REV1: variants seen among roughly 807,000 people sequenced by gnomAD.
The protein encoded by REV1 is translesion synthesis protein REV1.
A neutral mutation model predicts 137.4 loss-of-function variants in REV1; 42 were observed. The ratio of observed to expected loss-of-function variants is 0.31; its 90% CI spans 0.24 to 0.40. The LOEUF is 0.40. Ranked by LOEUF, REV1 falls within the 10% of genes least tolerant of loss-of-function variation. The pLI, the probability that REV1 is intolerant of heterozygous loss-of-function variation, is 1.00. For synonymous variants in REV1, 524 were observed against 519.2 expected, an observed-to-expected ratio of 1.01 and a Z score of -0.12; for missense variants, 1,282 against 1,490.1, an observed-to-expected ratio of 0.86 and a Z score of 2.30.
chr2:99,404,829 C>A (rs1676049716), intron 17 of REV1, 152 bp from the exon 18 acceptor site: 2 of 660,322 alleles, frequency 3.0e-6, no homozygotes, highest in African/African-American at 1.8e-5. Flanking sequence ...ACCTCCAAAT[C>A]AGCACATTTT....
At chr2:99,463,519 T>A (rs990610302) in intron 2 of REV1, among the ~76,000 whole-genome samples, 13 of 152,162 alleles carry the variant, frequency 8.5e-5, no homozygotes, top group African/African-American at 3.1e-4. Flanking sequence ...AAACTGCATA[T>A]CAAAACATAG....
At chr2:99,482,614 C>T (rs1308608090) in intron 1 of REV1, among the ~76,000 whole-genome samples, 1 of 152,126 alleles carries the variant, frequency 6.6e-6, no homozygotes, top group Non-Finnish European at 1.5e-5. Flanking sequence ...TACTTCTCTT[C>T]CCAGGACTCT....
chr2:99,463,365 C>A (rs917823563), intron 2 of REV1, among the ~76,000 whole-genome samples: 1 of 151,104 alleles, frequency 6.6e-6, no homozygotes, highest in Non-Finnish European at 1.5e-5. Flanking sequence ...ACTAAAAATA[C>A]AAAATCAGCT....
intron 5 of REV1, among the ~76,000 whole-genome samples, chr2:99,441,821 TATC>T (rs1681521846): frequency 6.6e-6 from 1 of 152,200 alleles, no homozygotes; most frequent in African/African-American, 2.4e-5. Flanking sequence ...TTTATGAAAT[TATC>T]ATTATAAAAA....
At chr2:99,461,997 T>C (rs759151243) in intron 3 of REV1, among the ~76,000 whole-genome samples, 2 of 152,172 alleles carry the variant, frequency 1.3e-5, no homozygotes, top group Non-Finnish European at 2.9e-5. Flanking sequence ...AGAGACTAAG[T>C]GAAATTTTAC....
At chr2:99,467,625 A>G (rs919404244) in intron 1 of REV1, among the ~76,000 whole-genome samples, 1 of 152,230 alleles carries the variant, frequency 6.6e-6, no homozygotes, top group Admixed American at 6.5e-5. Flanking sequence ...AGTAGAGTCC[A>G]AGGGTCTTCC....
intron 1 of REV1, among the ~76,000 whole-genome samples, chr2:99,486,526 C>A (rs1687155733): frequency 1.1e-5 from 1 of 94,932 alleles, no homozygotes; most frequent in African/African-American, 4.4e-5. Flanking sequence ...GAGACTCCAT[C>A]TCAAAAAAAA....
At chr2:99,427,838 A>C (rs1055394856) in intron 9 of REV1, among the ~76,000 whole-genome samples, 4 of 152,140 alleles carry the variant, frequency 2.6e-5, no homozygotes, top group Admixed American at 2.0e-4. Flanking sequence ...TCTGCACTTA[A>C]GTGGCACTTG....
chr2:99,448,633 A>T (rs913927072), intron 4 of REV1, among the ~76,000 whole-genome samples: 2 of 152,234 alleles, frequency 1.3e-5, no homozygotes, highest in African/African-American at 2.4e-5. Flanking sequence ...ACATGGTATA[A>T]TGTACTCATA....
At chr2:99,474,908 G>GA (rs202202463) in intron 1 of REV1, among the ~76,000 whole-genome samples, 60 of 136,842 alleles carry the variant, frequency 4.4e-4, no homozygotes, top group East Asian at 6.3e-4. Context: ...TTTCAAAAAA[G>GA]AAAAAAAAAA....
chr2:99,462,517 T>C lies in REV1; in HGVS notation c.160A>G (p.Ile54Val), dbSNP rs757987656. ...CAACCTGTGTATCCATTAACATAGA[T>C]GGCAACTCCACTAAAAATTGTAGAT... Reference protein sequence around the residue: ...TSSTIFSGVAIYVNGYTDPSA... With the variant: ...TSSTIFSGVAVYVNGYTDPSA... The change falls in exon 3 of 23, where the codon ATC (isoleucine) becomes GTC (valine). Residue 54 changes from isoleucine to valine, a missense_variant. Coordinates refer to ENST00000258428, the MANE Select transcript of REV1 (RefSeq NM_016316.4). 2 of 1,613,430 alleles carry C rather than the reference T, an allele frequency of 1.2e-6. No homozygotes were observed. Among genetic ancestry groups the C allele is most frequent in the Non-Finnish European group, 1.7e-6 (2 of 1,179,786 alleles).
chr2:99,481,666 C>G (rs745874309), intron 1 of REV1, among the ~76,000 whole-genome samples: 3 of 151,284 alleles, frequency 2.0e-5, no homozygotes, highest in Non-Finnish European at 4.4e-5. Flanking sequence ...AGTCTGAAAC[C>G]AGCCTGGGCA....
intron 14 of REV1, among the ~76,000 whole-genome samples, chr2:99,408,789 G>T (rs575384501): frequency 1.8e-4 from 28 of 152,298 alleles, no homozygotes; most frequent in African/African-American, 6.3e-4. Context: ...TACTAACTCA[G>T]TAACAGATTA....
chr2:99,435,409 A>G (rs1680615679), intron 7 of REV1: 2 of 153,096 alleles, frequency 1.3e-5, no homozygotes, highest in African/African-American at 2.4e-5. Context: ...ATAATGCAAA[A>G]CTATCCTACA....
intron 14 of REV1, 134 bp from the exon 15 acceptor site, chr2:99,408,265 C>A: frequency 2.3e-6 from 1 of 443,814 alleles, no homozygotes; most frequent in Non-Finnish European, 3.9e-6. Flanking sequence ...AAGTGAATGC[C>A]ATAGTCTCCC....
At chr2:99,402,078 T>C (rs1003737459) in intron 22 of REV1, among the ~76,000 whole-genome samples, 166 bp downstream of exon 22, 1 of 152,200 alleles carries the variant, frequency 6.6e-6, no homozygotes, top group Non-Finnish European at 1.5e-5. Context: ...GGGCAACATA[T>C]TTGGAACCTT....
chr2:99,417,584 G>A (rs2104547763), intron 12 of REV1, among the ~76,000 whole-genome samples: 1 of 152,334 alleles, frequency 6.6e-6, no homozygotes, highest in East Asian at 1.9e-4. Flanking sequence ...GGAAGGCCAT[G>A]TGAAGACACA....
At chr2:99,436,659 G>A (rs2104792165) in intron 6 of REV1, 1 of 152,310 alleles carries the variant, frequency 6.6e-6, no homozygotes, top group Non-Finnish European at 1.5e-5. Context: ...AAGGACAAAA[G>A]CTTCTAATCA....
At chr2:99,429,617 C>A (rs1029708697) in intron 9 of REV1, among the ~76,000 whole-genome samples, 4 of 151,890 alleles carry the variant, frequency 2.6e-5, no homozygotes, top group Non-Finnish European at 5.9e-5. Context: ...GTTCCTACTA[C>A]ATGACCTATT....
Sources: allele counts gnomAD v4.1 joint callset (sites outside exome capture counted in the v4.1 genomes callset), GRCh38; gene constraint gnomAD v4.1.1; transcripts MANE v1.5; gene names NCBI Gene and HGNC (gene_info 2026-07-23, HGNC 2026-07-21).